Variants in TMEM163 observed in about 807,000 individuals in gnomAD.
The protein encoded by TMEM163 is transmembrane protein 163.
Under a neutral mutation model 29.3 loss-of-function variants are expected in TMEM163, and 17 were observed. The ratio of observed to expected loss-of-function variants is 0.58; its 90% CI spans 0.40 to 0.87. TMEM163 has a LOEUF of 0.87. Ranked by LOEUF, TMEM163 falls within the 40% of genes least tolerant of loss-of-function variation. The pLI is 0.00. For synonymous variants in TMEM163, 157 were observed against 160.6 expected, an observed-to-expected ratio of 0.98 and a Z score of 0.17; for missense variants, 303 against 381.5, an observed-to-expected ratio of 0.79 and a Z score of 1.71.
At chr2:134,700,518 T>G (rs994126419) in intron 2 of TMEM163, among the ~76,000 whole-genome samples, 1 of 152,184 alleles carries the variant, frequency 6.6e-6, no homozygotes, top group Non-Finnish European at 1.5e-5. Flanking sequence ...TTCTGACACT[T>G]CCAGGGAAAT....
chr2:134,565,672 A>G (rs1681286697), intron 2 of TMEM163, among the ~76,000 whole-genome samples: 1 of 152,206 alleles, frequency 6.6e-6, no homozygotes, highest in Non-Finnish European at 1.5e-5. Context: ...TGTTCACAGC[A>G]GTGTTATTCC....
At chr2:134,697,103 G>A (rs1463887198) in intron 2 of TMEM163, among the ~76,000 whole-genome samples, 1 of 152,092 alleles carries the variant, frequency 6.6e-6, no homozygotes, top group African/African-American at 2.4e-5. Flanking sequence ...GTAGAGCTAT[G>A]GAAAGCTCTA....
In TMEM163 at chr2:134,696,243, A is replaced by G. The variant is rs569185340; in HGVS notation, c.322+16957T>C. ...CCTCTCTCACATATCCAATTTCCAT[A>G]TATGTGGTTACTATTTCTGGACTCC... On this transcript the variant is annotated intron_variant, in intron 2 of 7. Transcript: ENST00000281924. Among the ~76,000 whole-genome samples, 59 of 152,230 alleles carry G rather than the reference A, an allele frequency of 3.9e-4. No homozygotes were observed. The South Asian group carries it at 0.012, about 32-fold the overall frequency.
chr2:134,700,942 A>ATAAATAAATAAATAAATAAATAAT (rs61311028), intron 2 of TMEM163, among the ~76,000 whole-genome samples: 25 of 119,354 alleles, frequency 2.1e-4, no homozygotes, highest in African/African-American at 6.7e-4. Flanking sequence ...AAATAAATAA[A>ATAAATAAATAAATAAATAAATAAT]TAAATAAAGT....
At chr2:134,498,190 G>C (rs1679615437) in intron 5 of TMEM163, among the ~76,000 whole-genome samples, 1 of 152,098 alleles carries the variant, frequency 6.6e-6, no homozygotes, top group Admixed American at 6.5e-5. Context: ...AAAAGGTAGA[G>C]AGCGCCACAC....
rs150354520 is a variant in TMEM163, at chr2:134,461,078, G to T, written c.668-2905C>A. ...AGAGCCCTGAGCCCCCAGCCCAGCA[G>T]GCAGGCCCTGCCGTCACTCCCCTCT... On this transcript the variant is annotated intron_variant, in intron 6 of 7. Transcript: ENST00000281924. Among the ~76,000 whole-genome samples the T allele has an allele frequency of 1.2e-3, 177 of 152,322 alleles. No individual in the cohort carries two copies. The East Asian group carries it at 0.028, about 24-fold the overall frequency.
At chr2:134,634,627 G>A (rs1203458193) in intron 2 of TMEM163, among the ~76,000 whole-genome samples, 1 of 152,224 alleles carries the variant, frequency 6.6e-6, no homozygotes, top group Non-Finnish European at 1.5e-5. Context: ...GGTGGAGGGG[G>A]AGAAGAAGTG....
At chr2:134,503,199 C>T (rs1679738483) in intron 4 of TMEM163, among the ~76,000 whole-genome samples, 1 of 152,192 alleles carries the variant, frequency 6.6e-6, no homozygotes, top group African/African-American at 2.4e-5. Flanking sequence ...TCACCAAAGT[C>T]AACCACAGGG....
At chr2:134,638,729 G>T (rs1350577425) in intron 2 of TMEM163, among the ~76,000 whole-genome samples, 1 of 152,162 alleles carries the variant, frequency 6.6e-6, no homozygotes, top group Non-Finnish European at 1.5e-5. Flanking sequence ...GGAAAGGAGA[G>T]GGGAGAACCA....
intron 2 of TMEM163, among the ~76,000 whole-genome samples, chr2:134,597,266 T>C (rs926958516): frequency 5.9e-5 from 9 of 152,246 alleles, no homozygotes; most frequent in African/African-American, 2.2e-4. Flanking sequence ...TAGATAGCTC[T>C]TATTATTTTG....
intron 2 of TMEM163, among the ~76,000 whole-genome samples, chr2:134,648,275 A>G (rs1024897540): frequency 1.5e-5 from 2 of 131,384 alleles, no homozygotes; most frequent in Admixed American, 7.4e-5. Flanking sequence ...TCAATGTCCA[A>G]CCATAGTCTC....
intron 4 of TMEM163, among the ~76,000 whole-genome samples, chr2:134,516,711 A>ATATG (rs142248008): frequency 1.8e-4 from 22 of 119,376 alleles, no homozygotes; most frequent in Admixed American, 1.5e-3. Flanking sequence ...ATTCATATAT[A>ATATG]CATATATATT....
chr2:134,599,905 A>G (rs1682187276), intron 2 of TMEM163, among the ~76,000 whole-genome samples: 1 of 152,080 alleles, frequency 6.6e-6, no homozygotes, highest in African/African-American at 2.4e-5. Context: ...TTCTGTGTGT[A>G]GATGTGTTTA....
At chr2:134,495,221 C>T (rs1440664688) in intron 5 of TMEM163, among the ~76,000 whole-genome samples, 1 of 152,170 alleles carries the variant, frequency 6.6e-6, no homozygotes, top group Admixed American at 6.5e-5. Flanking sequence ...GGCTAGGAGA[C>T]ACCCGAAAAA....
intron 1 of TMEM163, among the ~76,000 whole-genome samples, chr2:134,713,914 C>T (rs1462176504): frequency 6.6e-6 from 1 of 152,222 alleles, no homozygotes; most frequent in Non-Finnish European, 1.5e-5. Context: ...ACGTTTCCTT[C>T]CCTCCTTTTT....
chr2:134,700,694 T>C (rs929882590), intron 2 of TMEM163, among the ~76,000 whole-genome samples: 1 of 151,720 alleles, frequency 6.6e-6, no homozygotes, highest in Non-Finnish European at 1.5e-5. Context: ...AGGTCATGAG[T>C]TCGAGACTAG....
chr2:134,539,793 T>C (rs1031247321), intron 4 of TMEM163, among the ~76,000 whole-genome samples: 4 of 152,134 alleles, frequency 2.6e-5, no homozygotes, highest in African/African-American at 9.7e-5. Flanking sequence ...AGCCTAAAAC[T>C]TCAAAGACAG....
intron 2 of TMEM163, among the ~76,000 whole-genome samples, chr2:134,647,390 C>T (rs546366852): frequency 2.0e-4 from 30 of 152,248 alleles, no homozygotes; most frequent in Admixed American, 1.2e-3. Context: ...CTCTCAAAAG[C>T]GCCTGGAAGC....
At position 134,717,118 on chromosome 2, in the gene TMEM163, T is replaced by C. The variant is rs372774499; in HGVS notation, c.202+1616A>G. Among the ~76,000 whole-genome samples the C allele has an allele frequency of 9.2e-5, 14 of 152,334 alleles. No homozygotes were observed. The South Asian group carries it at 2.9e-3, about 32-fold the overall frequency. On this transcript the variant is annotated intron_variant, in intron 1 of 7. Coordinates refer to ENST00000281924, the MANE Select transcript of TMEM163 (RefSeq NM_030923.5). ...CTACAAAATGATGCTAAATATGAAC[T>C]CACCCTAGCACTGTCTTCCCTCCTA...
Sources: allele counts gnomAD v4.1 joint callset (sites outside exome capture counted in the v4.1 genomes callset), GRCh38; gene constraint gnomAD v4.1.1; transcripts MANE v1.5; gene names NCBI Gene and HGNC (gene_info 2026-07-23, HGNC 2026-07-21).